NUBPL: variants seen among roughly 807,000 people sequenced by gnomAD.
The protein encoded by NUBPL is NUBP iron-sulfur cluster assembly factor, mitochondrial.
NUBPL carries 31 observed loss-of-function variants against 45.7 expected under a neutral mutation model. The ratio of observed to expected loss-of-function variants is 0.68; its 90% CI spans 0.51 to 0.92. The LOEUF (loss-of-function observed/expected upper bound fraction) is 0.92. NUBPL is among the 40% of genes least tolerant of loss of function. The pLI, the probability that NUBPL is intolerant of heterozygous loss-of-function variation, is 0.00. For missense variants in NUBPL, 401 were observed against 398.7 expected, an observed-to-expected ratio of 1.01 and a Z score of -0.05; for synonymous variants, 144 against 140.9, an observed-to-expected ratio of 1.02 and a Z score of -0.15.
intron 6 of NUBPL, among the ~76,000 whole-genome samples, chr14:31,763,527 C>A (rs1294920954): frequency 1.3e-5 from 2 of 152,066 alleles, no homozygotes; most frequent in Non-Finnish European, 2.9e-5. Flanking sequence ...GAAAGAGAAA[C>A]ACTGAGAGAG....
chr14:31,798,404 A>G (rs2039510123), intron 7 of NUBPL, among the ~76,000 whole-genome samples: 1 of 147,322 alleles, frequency 6.8e-6, no homozygotes, highest in Admixed American at 7.0e-5. Flanking sequence ...AGTAGTGTGC[A>G]TGTGGGCATT....
At chr14:31,565,074 A>T (rs554979635) in intron 3 of NUBPL, 26 bp downstream of exon 3, 7 of 1,382,238 alleles carry the variant, frequency 5.1e-6, no homozygotes, top group Non-Finnish European at 7.1e-6. Flanking sequence ...TAGAAATATT[A>T]ATTTATTAAA....
At chr14:31,727,031 A>G (rs867794743) in intron 6 of NUBPL, among the ~76,000 whole-genome samples, 3 of 152,174 alleles carry the variant, frequency 2.0e-5, no homozygotes, top group African/African-American at 7.2e-5. Flanking sequence ...TTTAGGGGCA[A>G]ATCAGCTCTT....
intron 8 of NUBPL, among the ~76,000 whole-genome samples, chr14:31,831,163 C>T (rs2040183539): frequency 6.6e-6 from 1 of 151,936 alleles, no homozygotes; most frequent in African/African-American, 2.4e-5. Flanking sequence ...CCTGCCTCAG[C>T]CTCCCTAGTA....
chr14:31,760,713 T>C (rs1200961502), intron 6 of NUBPL, among the ~76,000 whole-genome samples: 1 of 152,206 alleles, frequency 6.6e-6, no homozygotes, highest in Non-Finnish European at 1.5e-5. Flanking sequence ...TTGTTATCCA[T>C]TGATACACAC....
chr14:31,808,667 G>A (rs971007077), intron 7 of NUBPL, among the ~76,000 whole-genome samples: 1 of 152,150 alleles, frequency 6.6e-6, no homozygotes, highest in Non-Finnish European at 1.5e-5. Context: ...AATAGGAGTG[G>A]CGAGAGAGGG....
At chr14:31,681,030 TA>T (rs1355055730) in intron 6 of NUBPL, among the ~76,000 whole-genome samples, 2 of 152,144 alleles carry the variant, frequency 1.3e-5, no homozygotes, top group African/African-American at 4.8e-5. Flanking sequence ...TTTCTTGTAA[TA>T]TTTTTTTCAA....
intron 3 of NUBPL, among the ~76,000 whole-genome samples, chr14:31,585,694 C>G (rs1340475377): frequency 1.3e-5 from 2 of 152,106 alleles, no homozygotes. Context: ...TCTCTATATC[C>G]TCACCAATAC....
intron 4 of NUBPL, among the ~76,000 whole-genome samples, chr14:31,608,565 CAAAG>C (rs1226462780): frequency 2.6e-5 from 4 of 151,646 alleles, no homozygotes; most frequent in Non-Finnish European, 5.9e-5. Context: ...AAAAAAGAAA[CAAAG>C]AAAGATAAAT....
At chr14:31,653,055 A>G (rs1422295788) in intron 4 of NUBPL, among the ~76,000 whole-genome samples, 1 of 152,158 alleles carries the variant, frequency 6.6e-6, no homozygotes, top group African/African-American at 2.4e-5. Context: ...ACGAACGGGA[A>G]GTGGGTCACA....
At chr14:31,688,117 A>G (rs1180398598) in intron 6 of NUBPL, among the ~76,000 whole-genome samples, 1 of 152,216 alleles carries the variant, frequency 6.6e-6, no homozygotes, top group Non-Finnish European at 1.5e-5. Context: ...ATTATATAAC[A>G]ACTTAAAGCA....
intron 7 of NUBPL, chr14:31,800,981 A>G (rs1301638511): frequency 6.6e-6 from 1 of 152,218 alleles, no homozygotes; most frequent in Non-Finnish European, 1.5e-5. Flanking sequence ...CATTAAGGAA[A>G]CCAACCAGAG....
intron 6 of NUBPL, among the ~76,000 whole-genome samples, chr14:31,694,995 TA>T (rs1352567129): frequency 6.6e-6 from 1 of 151,602 alleles, no homozygotes; most frequent in African/African-American, 2.4e-5. Flanking sequence ...TTTGATGATT[TA>T]AAAAATACTG....
In NUBPL at chr14:31,850,187, C is replaced by A. The variant is rs747712488; in HGVS notation, c.883C>A (p.Pro295Thr). 1.9e-6 allele frequency: 3 copies of A among 1,613,216 alleles called. No individual in the cohort carries two copies. The highest frequency in any genetic ancestry group is 1.1e-5 in the South Asian group (1 of 91,052). ...AGGCCAGCCAATTGTGTTTTCACAGCCTGAAAGTGATGAGGTAAGTTCCAT... is the reference window on the plus strand; with the variant it reads ...AGGCCAGCCAATTGTGTTTTCACAGACTGAAAGTGATGAGGTAAGTTCCAT... ...DTGQPIVFSQ[P>T]ESDEAKAYLR... Residue 295 changes from proline to threonine, a missense_variant, in exon 10 of 11, where the codon CCT becomes ACT. Transcript: ENST00000281081.
intron 7 of NUBPL, among the ~76,000 whole-genome samples, chr14:31,815,430 T>A (rs1318068971): frequency 2.6e-5 from 4 of 152,182 alleles, no homozygotes; most frequent in Non-Finnish European, 5.9e-5. Flanking sequence ...TTAAGGAGAT[T>A]TTGGGCTGAG....
intron 4 of NUBPL, among the ~76,000 whole-genome samples, chr14:31,602,600 A>C (rs1011585460): frequency 2.6e-5 from 4 of 152,152 alleles, no homozygotes; most frequent in Non-Finnish European, 5.9e-5. Context: ...TAGCTATATG[A>C]CTTGAGTAAA....
At chr14:31,618,237 A>G (rs1034157247) in intron 4 of NUBPL, among the ~76,000 whole-genome samples, 1 of 151,944 alleles carries the variant, frequency 6.6e-6, no homozygotes, top group Non-Finnish European at 1.5e-5. Flanking sequence ...TCCTGGATTC[A>G]TTGATTTTTT....
In NUBPL at chr14:31,859,742, A is replaced by C. The variant is rs1381648814; in HGVS notation, c.*562A>C. On this transcript the variant is annotated 3_prime_UTR_variant, in exon 11 of 11. Transcript: ENST00000281081. ...ATGTATTTTTAGTAAGACCATGATG[A>C]TGTTGATGATGATTCTGGTAATCAT... 1 of 158,960 alleles carries C rather than the reference A, an allele frequency of 6.3e-6. No homozygotes were observed. The highest frequency in any genetic ancestry group is 5.8e-5 in the Admixed American group (1 of 17,104). The allele number at this position is 158,960 out of a possible 1,614,324, so 9.8% of individuals were successfully genotyped here. A position where few individuals can be genotyped will look rare whatever the true frequency, so the allele number is the denominator to read the frequency against.
chr14:31,822,518 A>G (rs1292400060), intron 7 of NUBPL, among the ~76,000 whole-genome samples: 1 of 152,128 alleles, frequency 6.6e-6, no homozygotes, highest in African/African-American at 2.4e-5. Flanking sequence ...TTGATGTACT[A>G]TACAGCAAAA....
Sources: allele counts gnomAD v4.1 joint callset (sites outside exome capture counted in the v4.1 genomes callset), GRCh38; gene constraint gnomAD v4.1.1; transcripts MANE v1.5; gene names NCBI Gene and HGNC (gene_info 2026-07-23, HGNC 2026-07-21).